The following IL17F variants were observed in gnomAD, a reference collection of about 807,000 sequenced individuals.
IL17F encodes the protein interleukin 17F.
A neutral mutation model predicts 8.3 loss-of-function variants in IL17F; 6 were observed. That is an observed-to-expected ratio of 0.73 (90% CI 0.40 to 1.43). The LOEUF (loss-of-function observed/expected upper bound fraction) is 1.43, where lower values mean the gene tolerates loss of function less well. Ranked by LOEUF, IL17F falls within the 40% of genes most tolerant of loss-of-function variation. IL17F has a pLI of 0.02. For synonymous variants in IL17F, 98 were observed against 81.6 expected (o/e 1.20, Z -1.08); for missense variants, 204 against 209.6 (o/e 0.97, Z 0.17).
At chr6:52,240,029 C>T (rs1379688032) in intron 1 of IL17F, among the ~76,000 whole-genome samples, 1 of 152,174 alleles carries the variant, frequency 6.6e-6, no homozygotes, top group Non-Finnish European at 1.5e-5. Context: ...AAAAGAAAAG[C>T]TACAAATCTT....
chr6:52,244,202 G>C (rs976890758), intron 1 of IL17F, among the ~76,000 whole-genome samples, 195 bp downstream of exon 1: 2 of 152,154 alleles, frequency 1.3e-5, no homozygotes, highest in African/African-American at 4.8e-5. Context: ...GCCAGGAGCT[G>C]CATTTTTATG....
intron 2 of IL17F, 75 bp downstream of exon 2, chr6:52,238,655 A>G: frequency 7.8e-7 from 1 of 1,276,422 alleles, no homozygotes; most frequent in South Asian, 1.3e-5. Flanking sequence ...TGTATTCTAC[A>G]TTTTCTACTT....
intron 2 of IL17F, among the ~76,000 whole-genome samples, chr6:52,237,732 T>C (rs1250844124): frequency 2.0e-5 from 3 of 152,068 alleles, no homozygotes; most frequent in Non-Finnish European, 4.4e-5. Context: ...ATTCCACTTG[T>C]AGTGTGACAG....
chr6:52,240,202 C>A (rs1313743929), intron 1 of IL17F, among the ~76,000 whole-genome samples: 1 of 152,044 alleles, frequency 6.6e-6, no homozygotes, highest in Admixed American at 6.6e-5. Context: ...TTTGGGAAGC[C>A]GAGGTGGGTG....
At chr6:52,237,291 T>G in intron 2 of IL17F, 123 bp from the exon 3 acceptor site, 2 of 724,476 alleles carry the variant, frequency 2.8e-6, no homozygotes, top group Non-Finnish European at 2.4e-6. Flanking sequence ...TGGCACAGGT[T>G]CTGGAGCCAC....
upstream of IL17F, chr6:52,244,637 G>A (rs901419783): frequency 1.2e-5 from 7 of 596,432 alleles, no homozygotes; most frequent in African/African-American, 1.3e-4. Context: ...ATTTCCCGAA[G>A]GGGAACAAAA....
At chr6:52,239,475 C>T (rs1012275526) in intron 1 of IL17F, among the ~76,000 whole-genome samples, 1 of 152,174 alleles carries the variant, frequency 6.6e-6, no homozygotes, top group Admixed American at 6.5e-5. Flanking sequence ...GAATACACTG[C>T]CTAGAATACT....
At chr6:52,239,830 A>G (rs760688013) in intron 1 of IL17F, among the ~76,000 whole-genome samples, 2 of 152,216 alleles carry the variant, frequency 1.3e-5, no homozygotes, top group South Asian at 2.1e-4. Flanking sequence ...CGCAAAACCA[A>G]CGATAGCAAA....
Position 52,244,436 on chromosome 6 carries a change from C to T in IL17F, c.-7G>A, listed in dbSNP as rs376056750. ...GCAGGGTCTTCACTGTCATGTTGCG[C>T]TGGTGGCTTACTTTGTGCAGGAAGC... On this transcript the variant is annotated 5_prime_UTR_variant, in exon 1 of 3. Coordinates refer to ENST00000336123, the MANE Select transcript of IL17F (RefSeq NM_052872.4). 2 of 1,614,034 alleles carry T rather than the reference C, an allele frequency of 1.2e-6. No homozygotes were observed. The highest frequency in any genetic ancestry group is 1.7e-6 in the Non-Finnish European group (2 of 1,179,916).
chr6:52,244,759 G>A (rs150089228), upstream of IL17F, among the ~76,000 whole-genome samples: 5 of 152,236 alleles, frequency 3.3e-5, no homozygotes, highest in African/African-American at 7.2e-5. Flanking sequence ...ATTTACTACA[G>A]AGATGAACCA....
intron 2 of IL17F, 105 bp from the exon 3 acceptor site, chr6:52,237,273 C>A: frequency 1.2e-6 from 1 of 847,736 alleles, no homozygotes; most frequent in Non-Finnish European, 1.9e-6. Flanking sequence ...GGCAGTTCTG[C>A]AGGGCTGTGG....
At position 52,238,862 on chromosome 6, in the gene IL17F, A is replaced by C; in HGVS notation, c.122T>G (p.Phe41Cys). 1 of 1,614,024 alleles carries C rather than the reference A, an allele frequency of 6.2e-7. No homozygotes were observed. Among genetic ancestry groups the C allele is most frequent in the Non-Finnish European group, 8.5e-7 (1 of 1,179,886 alleles). The change falls in exon 2 of 3, where the codon TTC (phenylalanine) becomes TGC (cysteine). Residue 41 changes from phenylalanine to cysteine, a missense_variant. Physicochemically the swap from Phe to Cys is radical, Grantham distance 205. Coordinates refer to ENST00000336123, the MANE Select transcript of IL17F (RefSeq NM_052872.4). ...RKIPKVGHTF[F>C]QKPESCPPVP... ...AGGCGGGCAACTCTCAGGCTTTTGG[A>C]AAAAAGTATGTCCTACTTTGGGGAT...
In IL17F at chr6:52,236,824, G is replaced by C; in HGVS notation, c.*107C>G. 1 of 851,512 alleles carries C rather than the reference G, an allele frequency of 1.2e-6. No homozygotes were observed. The highest frequency in any genetic ancestry group is 2.1e-6 in the Non-Finnish European group (1 of 486,736). 52.7% of individuals were successfully genotyped at this position (851,512 alleles called of 1,614,324 possible). Reference sequence around the variant, plus strand: ...TTTCCATCCGTGCAGGTCTTATTAAGAGTCCTGTGAAGTGGAGGGAATTGG... The same window carrying C: ...TTTCCATCCGTGCAGGTCTTATTAACAGTCCTGTGAAGTGGAGGGAATTGG... On this transcript the variant is annotated 3_prime_UTR_variant, in exon 3 of 3. Coordinates refer to ENST00000336123, the MANE Select transcript of IL17F (RefSeq NM_052872.4).
upstream of IL17F, among the ~76,000 whole-genome samples, chr6:52,244,940 A>C (rs1373426152): frequency 6.6e-6 from 1 of 152,234 alleles, no homozygotes; most frequent in East Asian, 1.9e-4. Flanking sequence ...CCATTTTATG[A>C]ATGGGAAAAC....
upstream of IL17F, among the ~76,000 whole-genome samples, chr6:52,245,293 G>A (rs1306085354): frequency 1.3e-5 from 2 of 152,132 alleles, no homozygotes; most frequent in Admixed American, 6.5e-5. Flanking sequence ...CAGGCTGAAG[G>A]CTCAGTCCCA....
At chr6:52,244,091 C>T (rs991764825) in intron 1 of IL17F, among the ~76,000 whole-genome samples, 1 of 151,892 alleles carries the variant, frequency 6.6e-6, no homozygotes, top group Admixed American at 6.6e-5. Flanking sequence ...GACCGGGTTT[C>T]GCTATGTTGG....
chr6:52,237,677 G>T (rs1763990285), intron 2 of IL17F, among the ~76,000 whole-genome samples: 1 of 151,868 alleles, frequency 6.6e-6, no homozygotes, highest in African/African-American at 2.4e-5. Flanking sequence ...CTGCCTGGAG[G>T]CATAAAGACC....
At chr6:52,240,386 G>A (rs561308298) in intron 1 of IL17F, among the ~76,000 whole-genome samples, 146 of 140,018 alleles carry the variant, frequency 1.0e-3, no homozygotes, top group Middle Eastern at 4.2e-3. Flanking sequence ...GCAGTGAGCC[G>A]AAATTGCACC....
chr6:52,244,310 C>A, intron 1 of IL17F, 87 bp downstream of exon 1: 1 of 1,263,894 alleles, frequency 7.9e-7, no homozygotes, highest in Non-Finnish European at 1.2e-6. Flanking sequence ...TCCAAAAAGA[C>A]CCCAATCAAA....
Sources: gnomAD v4.1 joint callset for allele counts (sites outside exome capture counted in the v4.1 genomes callset) on GRCh38, gnomAD v4.1.1 for gene constraint, MANE v1.5 for transcripts, NCBI Gene and HGNC (gene_info 2026-07-23, HGNC 2026-07-21) for gene names.